The following AMD1 variants were observed in gnomAD, a reference collection of about 807,000 sequenced individuals.
AMD1 encodes adenosylmethionine decarboxylase 1.
Under a neutral mutation model 40.2 loss-of-function variants are expected in AMD1, and 11 were observed. The observed-to-expected ratio is 0.27, with a 90% confidence interval of 0.17 to 0.45. The LOEUF (loss-of-function observed/expected upper bound fraction) is 0.45, where lower values mean the gene tolerates loss of function less well. Ranked by LOEUF, AMD1 falls within the 20% of genes least tolerant of loss-of-function variation. The probability of loss-of-function intolerance (pLI) is 1.00; values close to 1 mark genes in which losing one functional copy is unlikely to be tolerated. For missense variants in AMD1, 257 were observed against 410.2 expected, an observed-to-expected ratio of 0.63 and a Z score of 3.23; for synonymous variants, 121 against 130.8, an observed-to-expected ratio of 0.93 and a Z score of 0.51.
At chr6:110,874,527 G>A (rs781193), upstream of AMD1, among the ~76,000 whole-genome samples, 131,168 of 151,964 alleles carry the variant, frequency 0.86, 56,765 homozygotes, top group Middle Eastern at 0.95. Flanking sequence ...CCCACTCTGC[G>A]TTCGATCCGA....
the AMD1 span, among the ~76,000 whole-genome samples, chr6:110,840,274 A>G: frequency 6.6e-6 from 1 of 151,972 alleles, no homozygotes; most frequent in Non-Finnish European, 1.5e-5. Context: ...GGTGTCCTCC[A>G]ATTCAATTCC....
chr6:110,892,296 T>A lies in AMD1; in HGVS notation c.471-3T>A. On this transcript the variant is annotated splice_polypyrimidine_tract_variant and splice_region_variant and intron_variant, in intron 5 of 8. Coordinates refer to ENST00000368885, the MANE Select transcript of AMD1 (RefSeq NM_001634.6). Reference sequence around the variant, plus strand: ...TTAGGAACTATTTTTAATTTTTATTTAGGTACTTATATACTCTGGATTTCC... The same window carrying A: ...TTAGGAACTATTTTTAATTTTTATTAAGGTACTTATATACTCTGGATTTCC... 1 of 1,613,566 alleles carries A rather than the reference T, an allele frequency of 6.2e-7. No individual in the cohort carries two copies. The highest frequency in any genetic ancestry group is 8.5e-7 in the Non-Finnish European group (1 of 1,179,908).
chr6:110,886,592 ACCACGCCTGG>A (rs953396293), intron 1 of AMD1, among the ~76,000 whole-genome samples: 6 of 152,166 alleles, frequency 3.9e-5, no homozygotes, highest in Admixed American at 3.9e-4. Flanking sequence ...GGCGTGAACC[ACCACGCCTGG>A]CCTAAAAAAT....
chr6:110,834,773 G>A, the AMD1 span, among the ~76,000 whole-genome samples: 1 of 151,806 alleles, frequency 6.6e-6, no homozygotes, highest in Non-Finnish European at 1.5e-5. Context: ...CCTGGCCAAC[G>A]TGGTGAAACC....
the AMD1 span, among the ~76,000 whole-genome samples, chr6:110,845,757 C>T: frequency 2.0e-5 from 3 of 152,318 alleles, no homozygotes; most frequent in Non-Finnish European, 4.4e-5. Flanking sequence ...GGCTTCTTTG[C>T]TCCTCAGCTT....
chr6:110,880,270 T>C (rs1038995042), intron 1 of AMD1, among the ~76,000 whole-genome samples: 2 of 152,208 alleles, frequency 1.3e-5, no homozygotes, highest in African/African-American at 4.8e-5. Context: ...GTGTGTCTTT[T>C]GCTTTGGATA....
the AMD1 span, among the ~76,000 whole-genome samples, chr6:110,857,645 A>C: frequency 6.9e-6 from 1 of 145,886 alleles, no homozygotes; most frequent in South Asian, 2.1e-4. Flanking sequence ...GATGGTATAT[A>C]TATATAGATG....
the AMD1 span, among the ~76,000 whole-genome samples, chr6:110,825,047 G>A: frequency 2.0e-5 from 3 of 152,054 alleles, no homozygotes; most frequent in South Asian, 2.1e-4. Flanking sequence ...CTTGTCCTTG[G>A]GGGATACACA....
the AMD1 span, among the ~76,000 whole-genome samples, chr6:110,823,661 G>C: frequency 6.6e-6 from 1 of 152,116 alleles, no homozygotes; most frequent in Non-Finnish European, 1.5e-5. Flanking sequence ...CTAGTTCCTT[G>C]AGAGCTAGAG....
the AMD1 span, among the ~76,000 whole-genome samples, chr6:110,842,502 A>G: frequency 6.6e-6 from 1 of 152,196 alleles, no homozygotes; most frequent in African/African-American, 2.4e-5. Flanking sequence ...GAGAACCAAC[A>G]CAAATGCTGA....
chr6:110,830,466 GC>G, the AMD1 span, among the ~76,000 whole-genome samples: 3 of 152,146 alleles, frequency 2.0e-5, no homozygotes, highest in African/African-American at 7.2e-5. Context: ...CATAAGACAT[GC>G]CTACCAGCAC....
chr6:110,815,235 C>T, the AMD1 span: 6 of 1,282,174 alleles, frequency 4.7e-6, no homozygotes, highest in African/African-American at 1.6e-5. Flanking sequence ...CTCCAACAGC[C>T]GCCTCTCGCG....
At chr6:110,886,911 C>G (rs1322519639) in intron 1 of AMD1, among the ~76,000 whole-genome samples, 1 of 152,158 alleles carries the variant, frequency 6.6e-6, no homozygotes, top group Non-Finnish European at 1.5e-5. Flanking sequence ...GTCCATATGA[C>G]CTTCATTGCT....
chr6:110,887,938 G>A (rs112362010), intron 2 of AMD1, among the ~76,000 whole-genome samples: 31 of 152,098 alleles, frequency 2.0e-4, no homozygotes, highest in African/African-American at 6.3e-4. Flanking sequence ...CATCCACCTC[G>A]GCCTCCCAAA....
the AMD1 span, among the ~76,000 whole-genome samples, chr6:110,830,431 GGAA>G: frequency 6.6e-6 from 1 of 152,194 alleles, no homozygotes; most frequent in African/African-American, 2.4e-5. Flanking sequence ...GCTAAAACAA[GGAA>G]GAAGTACCAA....
At position 110,874,838 on chromosome 6, in the gene AMD1, C is replaced by G. The variant is rs1785010887; in HGVS notation, c.-268C>G. On this transcript the variant is annotated 5_prime_UTR_variant, in exon 1 of 9. Coordinates refer to ENST00000368885, the MANE Select transcript of AMD1 (RefSeq NM_001634.6). ...CTAGCGCTCGCTCTACTCTCTCTAA[C>G]GGGAAAGCAGCGGAATACAAGAGAC... The G allele has an allele frequency of 1.8e-5, 7 of 393,834 alleles. No individual in the cohort carries two copies. The South Asian group carries it at 1.9e-4, about 11-fold the overall frequency. 24.4% of individuals were successfully genotyped at this position (393,834 alleles called of 1,614,324 possible).
chr6:110,882,494 T>TC (rs1785462929), intron 1 of AMD1, among the ~76,000 whole-genome samples: 2 of 152,246 alleles, frequency 1.3e-5, no homozygotes, highest in African/African-American at 4.8e-5. Context: ...GGCCATTTTT[T>TC]CCCACAGAAA....
At chr6:110,814,837 G>A in the AMD1 span, 2 of 841,054 alleles carry the variant, frequency 2.4e-6, no homozygotes, top group South Asian at 1.5e-5. Context: ...GGCCGCGCGG[G>A]GGAGGCGGGC....
chr6:110,860,172 G>T, the AMD1 span, among the ~76,000 whole-genome samples: 1 of 151,902 alleles, frequency 6.6e-6, no homozygotes, highest in African/African-American at 2.4e-5. Flanking sequence ...CTCCCCTTCT[G>T]GGCCTGACCA....
Sources: allele counts gnomAD v4.1 joint callset (sites outside exome capture counted in the v4.1 genomes callset), GRCh38; gene constraint gnomAD v4.1.1; transcripts MANE v1.5; gene names NCBI Gene and HGNC (gene_info 2026-07-23, HGNC 2026-07-21).